Variants in TECTA observed in about 807,000 individuals in gnomAD.
TECTA encodes alpha-tectorin.
TECTA carries 128 observed loss-of-function variants against 216.8 expected under a neutral mutation model. The ratio of observed to expected loss-of-function variants is 0.59; its 90% confidence interval spans 0.51 to 0.68. TECTA has a LOEUF of 0.68. Ranked by LOEUF, TECTA falls within the 30% of genes least tolerant of loss-of-function variation. The pLI, the probability that TECTA is intolerant of heterozygous loss-of-function variation, is 0.00. For missense variants in TECTA, 2,551 were observed against 2,786.2 expected (o/e 0.92, Z 1.90); for synonymous variants, 1,089 against 1,117.1 (o/e 0.97, Z 0.50).
intron 18 of TECTA, among the ~76,000 whole-genome samples, chr11:121,167,643 C>T (rs951562205): frequency 2.0e-5 from 3 of 152,182 alleles, no homozygotes; most frequent in Non-Finnish European, 4.4e-5. Flanking sequence ...TGCACTTGTT[C>T]ATGTTGGTCC....
chr11:121,148,326 TA>T (rs1214151029), intron 12 of TECTA, among the ~76,000 whole-genome samples: 4 of 152,078 alleles, frequency 2.6e-5, no homozygotes, highest in African/African-American at 9.7e-5. Context: ...CATTTCAGGA[TA>T]GGGGCAAAGA....
At position 121,105,845 on chromosome 11, in the gene TECTA, C is replaced by A. The variant is rs1041298366; in HGVS notation, c.79C>A (p.Leu27Ile). The A allele has an allele frequency of 7.4e-6, 12 of 1,614,052 alleles. No individual in the cohort carries two copies. The African/African-American group carries it at 1.3e-4, about 18-fold the overall frequency. Residue 27 changes from leucine to isoleucine, a missense_variant, in exon 3 of 24, where the codon CTC (leucine) becomes ATC (isoleucine). Around this residue, in one of 3 missense-constraint regions of TECTA, gnomAD observed 2,375 missense variants for 2,563.9 expected, o/e 0.93. Transcript: ENST00000392793. The surrounding 1 kb of genome is among the most constrained non-coding windows in gnomAD (Gnocchi z 5.3). ...TCTCTTGACAGCTCAGCCCAGGGAGCTCATGTATCCATTTTGGCAGAATGA... is the reference window on the plus strand; with the variant it reads ...TCTCTTGACAGCTCAGCCCAGGGAGATCATGTATCCATTTTGGCAGAATGA... ...LVQHQAQPRE[L>I]MYPFWQNDTK...
At position 121,125,828 on chromosome 11, in the gene TECTA, C is replaced by G. The variant is rs1299315846; in HGVS notation, c.1730C>G (p.Ala577Gly). Residue 577 changes from alanine to glycine, a missense_variant, in exon 8 of 24, where the codon GCC becomes GGC. Physicochemically the swap from Ala to Gly is moderately conservative, Grantham distance 60. Transcript: ENST00000392793. ...CAGGCCTATGCTCTTGTGTGCCAAG[C>G]CCTTGGCATTCCAATTGGAGACTGG... ...AIQAYALVCQ[A>G]LGIPIGDWRT... 6.2e-7 allele frequency: 1 copy of G among 1,613,154 alleles called. No individual in the cohort carries two copies. Among genetic ancestry groups the G allele is most frequent in the African/African-American group, 1.3e-5 (1 of 74,928 alleles).
At position 121,160,097 on chromosome 11, in the gene TECTA, T is replaced by G. The variant is rs760273986; in HGVS notation, c.4690-38T>G. 9 of 1,613,888 alleles carry G rather than the reference T, an allele frequency of 5.6e-6. No individual in the cohort carries two copies. The Admixed American group carries it at 1.5e-4, about 27-fold the overall frequency. On this transcript the variant is annotated intron_variant, in intron 14 of 23. Transcript: ENST00000392793. ...CCTGAACAAGTTTGCCAACACCTAC[T>G]CTAAGCGTAATTATTTTCTTTTTTC...
At chr11:121,173,255 G>A (rs2134201901) in intron 20 of TECTA, among the ~76,000 whole-genome samples, 1 of 150,900 alleles carries the variant, frequency 6.6e-6, no homozygotes, top group East Asian at 1.9e-4. Context: ...TAGACATGAA[G>A]TCCTTGCCCA....
At chr11:121,146,245 T>G (rs1946838028) in intron 12 of TECTA, 129 bp downstream of exon 12, 2 of 1,123,910 alleles carry the variant, frequency 1.8e-6, no homozygotes, top group Non-Finnish European at 2.6e-6. Context: ...ACTTTGGAAC[T>G]GAGTTTGTTA....
chr11:121,139,654 CA>C (rs550221396), intron 11 of TECTA, among the ~76,000 whole-genome samples: 224 of 151,786 alleles, frequency 1.5e-3, no homozygotes, highest in African/African-American at 5.2e-3. Flanking sequence ...TGCGCCATTG[CA>C]CTCCAGCCTG....
intron 4 of TECTA, among the ~76,000 whole-genome samples, chr11:121,111,627 C>G (rs979677725): frequency 6.6e-6 from 1 of 152,186 alleles, no homozygotes; most frequent in African/African-American, 2.4e-5. Flanking sequence ...ATATTTCCAG[C>G]TTCACTGTGG....
At position 121,137,685 on chromosome 11, in the gene TECTA, G is replaced by C; in HGVS notation, c.3206G>C (p.Arg1069Thr). Residue 1069 changes from arginine to threonine, a missense_variant, in exon 11 of 24, where the codon AGG (arginine) becomes ACG (threonine). By Grantham distance (71) the Arg-to-Thr change is moderately conservative (BLOSUM62 -1). This residue lies in a region of TECTA where 2,375 missense variants were observed against 2,563.9 expected (regional missense o/e 0.93). Coordinates refer to ENST00000392793, the MANE Select transcript of TECTA (RefSeq NM_005422.4). ...TGCTATTGCAGTGGCACAGACAACA[G>C]GGTCCACTGCGAGACCATTCCCTGC... is the stretch of plus-strand genomic sequence containing the variant. ...IFCYCSGTDNRVHCETIPCKD... is the reference protein window; with the variant it reads ...IFCYCSGTDNTVHCETIPCKD... The C allele has an allele frequency of 6.2e-7, 1 of 1,614,090 alleles. No individual in the cohort carries two copies.
At chr11:121,184,655 G>A (rs189376097) in intron 20 of TECTA, among the ~76,000 whole-genome samples, 159 of 152,276 alleles carry the variant, frequency 1.0e-3, no homozygotes, top group Non-Finnish European at 6.3e-4. Flanking sequence ...TAGGCACAGC[G>A]CTCACTCAAG....
chr11:121,166,596 A>G lies in TECTA; in HGVS notation c.5402A>G (p.Asp1801Gly). 2.5e-6 allele frequency: 4 copies of G among 1,614,194 alleles called. No homozygotes were observed. The highest frequency in any genetic ancestry group is 3.4e-6 in the Non-Finnish European group (4 of 1,180,022). ...PYGNNSHDIIDAEVTCKAAQM... is the reference protein window; with the variant it reads ...PYGNNSHDIIGAEVTCKAAQM... ...CCCACAGACTCACATGACATTATCG[A>G]TGCAGAGGTGACCTGCAAAGCAGCC... The change falls in exon 18 of 24, where the codon GAT becomes GGT. Residue 1801 changes from aspartate (D) to glycine (G), a missense_variant. Physicochemically the swap from Asp to Gly is moderately conservative, Grantham distance 94. This residue lies in a region of TECTA where 2,375 missense variants were observed against 2,563.9 expected (regional missense o/e 0.93). Coordinates refer to ENST00000392793, the MANE Select transcript of TECTA (RefSeq NM_005422.4).
chr11:121,185,245 T>C (rs1009701915), intron 20 of TECTA, among the ~76,000 whole-genome samples: 1 of 152,226 alleles, frequency 6.6e-6, no homozygotes, highest in African/African-American at 2.4e-5. Context: ...TGATTATTGT[T>C]TTTTTCCAGT....
chr11:121,188,966 G>A, intron 21 of TECTA, 114 bp from the exon 22 acceptor site: 1 of 987,612 alleles, frequency 1.0e-6, no homozygotes, highest in Non-Finnish European at 1.6e-6. Flanking sequence ...ATTAATCTGA[G>A]CCTCCATAAT....
In TECTA at chr11:121,189,229, T is replaced by G; in HGVS notation, c.6250+62T>G. 2.6e-6 allele frequency: 4 copies of G among 1,546,890 alleles called. No individual in the cohort carries two copies. The South Asian group carries it at 4.5e-5, about 17-fold the overall frequency. On this transcript the variant is annotated intron_variant, in intron 22 of 23. Coordinates refer to ENST00000392793, the MANE Select transcript of TECTA (RefSeq NM_005422.4). ...AAACAACGGGATTTCAAGGCTCAGA[T>G]GTGTTTCACCTCTGATGTGGGTCCA...
At chr11:121,103,661 T>G (rs1321604909) in intron 2 of TECTA, among the ~76,000 whole-genome samples, 1 of 152,136 alleles carries the variant, frequency 6.6e-6, no homozygotes, top group Non-Finnish European at 1.5e-5. Flanking sequence ...GGATATTCTT[T>G]CTTTTAGCAA....
chr11:121,121,976 G>A (rs959718823), intron 7 of TECTA, among the ~76,000 whole-genome samples: 2 of 152,066 alleles, frequency 1.3e-5, no homozygotes, highest in Non-Finnish European at 2.9e-5. Context: ...GGTAGGAAAA[G>A]CCATATTATA....
At chr11:121,146,536 A>G (rs1946840598) in intron 12 of TECTA, among the ~76,000 whole-genome samples, 1 of 152,194 alleles carries the variant, frequency 6.6e-6, no homozygotes, top group Admixed American at 6.5e-5. Flanking sequence ...TATTTGATTC[A>G]TATATGTCAT....
At chr11:121,182,157 G>T (rs935723589) in intron 20 of TECTA, among the ~76,000 whole-genome samples, 2 of 152,102 alleles carry the variant, frequency 1.3e-5, no homozygotes, top group Non-Finnish European at 2.9e-5. Context: ...CCCCTGGGTG[G>T]CATTAACAAG....
intron 10 of TECTA, among the ~76,000 whole-genome samples, chr11:121,131,930 G>A (rs534045076): frequency 9.1e-4 from 138 of 152,314 alleles, no homozygotes; most frequent in African/African-American, 2.4e-3. Flanking sequence ...CCGTTACACT[G>A]AGCATGATAG....
Sources: gnomAD v4.1 joint callset for allele counts (sites outside exome capture counted in the v4.1 genomes callset) on GRCh38, gnomAD v4.1.1 for gene constraint, gnomAD v4.1.1 regional missense constraint, Gnocchi (gnomAD v3.1) non-coding constraint, MANE v1.5 for transcripts, NCBI Gene and HGNC (gene_info 2026-07-23, HGNC 2026-07-21) for gene names.